INTS3: variants seen among roughly 807,000 people sequenced by gnomAD.
The protein encoded by INTS3 is SOSS complex subunit A.
INTS3 carries 34 observed loss-of-function variants against 146.3 expected under a neutral mutation model. That is an observed-to-expected ratio of 0.23 (90% CI 0.18 to 0.31). The LOEUF is 0.31. Ranked by LOEUF, INTS3 falls within the 10% of genes least tolerant of loss-of-function variation. The pLI, the probability that INTS3 is intolerant of heterozygous loss-of-function variation, is 1.00. For missense variants in INTS3, 757 were observed against 1,304.2 expected (o/e 0.58, Z 6.46); for synonymous variants, 475 against 494.9 (o/e 0.96, Z 0.53).
At position 153,773,515 on chromosome 1, in the gene INTS3, G is replaced by T. The variant is rs1672995510; in HGVS notation, c.*245G>T. The T allele has an allele frequency of 5.1e-6, 3 of 589,070 alleles. No individual in the cohort carries two copies. 36.5% of individuals were successfully genotyped at this position (589,070 alleles called of 1,614,324 possible). On this transcript the variant is annotated 3_prime_UTR_variant, in exon 30 of 30. Coordinates refer to ENST00000318967, the MANE Select transcript of INTS3 (RefSeq NM_023015.5). ...CTGTTCCCAGTGATATTTGGGATCT[G>T]ACTGAAGCCAGAGGCTCTGTAAAAT...
rs1672466024 is a variant in INTS3, at chr1:153,763,488, G to A, written c.1766+126G>A. 3.9e-6 allele frequency: 4 copies of A among 1,023,470 alleles called. No individual in the cohort carries two copies. The South Asian group carries it at 4.3e-5, about 11-fold the overall frequency. The allele number at this position is 1,023,470 out of a possible 1,614,324, so 63.4% of individuals were successfully genotyped here. A position where few individuals can be genotyped will look rare whatever the true frequency, so the allele number is the denominator to read the frequency against. On this transcript the variant is annotated intron_variant, in intron 16 of 29. Transcript: ENST00000318967. ...GATAGGAGTGTGTGGAGAGGTAGCT[G>A]AAGCTTCATGAGGGAGTTCTTCTGC...
intron 20 of INTS3, among the ~76,000 whole-genome samples, chr1:153,765,699 A>G (rs1037430197): frequency 9.2e-5 from 14 of 151,934 alleles, no homozygotes; most frequent in Non-Finnish European, 1.6e-4. Context: ...CCTCCCAAGT[A>G]GCTAGGACTA....
chr1:153,770,878 C>G, intron 25 of INTS3, 145 bp downstream of exon 25: 1 of 699,422 alleles, frequency 1.4e-6, no homozygotes, highest in Admixed American at 2.1e-5. Flanking sequence ...CCCAACGTGA[C>G]TTACAAATGA....
At chr1:153,760,465 G>T in intron 12 of INTS3, 75 bp downstream of exon 12, 9 of 1,266,302 alleles carry the variant, frequency 7.1e-6, no homozygotes, top group Non-Finnish European at 1.0e-5. Flanking sequence ...ATCTCCCAGT[G>T]AACGGGTCTT....
chr1:153,734,081 G>A (rs1302930097), intron 1 of INTS3, among the ~76,000 whole-genome samples: 3 of 151,938 alleles, frequency 2.0e-5, no homozygotes, highest in African/African-American at 7.3e-5. Flanking sequence ...CCATGGTCAG[G>A]TAGTCTTAGT....
intron 6 of INTS3, 74 bp from the exon 7 acceptor site, chr1:153,751,021 G>A: frequency 1.3e-6 from 2 of 1,483,898 alleles, no homozygotes; most frequent in Non-Finnish European, 9.2e-7. Flanking sequence ...CTGTAGCCAA[G>A]CCCAAGAAGC....
rs566542859 is a variant in INTS3, at chr1:153,770,609, G to A, written c.2504-76G>A. ...TCCTTATTCCCTCCAGTGGCTGTTG[G>A]GGGATGAGAGAGGTCCCCAGATTCC... On this transcript the variant is annotated intron_variant, in intron 24 of 29. Coordinates refer to ENST00000318967, the MANE Select transcript of INTS3 (RefSeq NM_023015.5). 14 of 1,230,718 alleles carry A rather than the reference G, an allele frequency of 1.1e-5. No individual in the cohort carries two copies. The Admixed American group carries it at 1.9e-4, about 16-fold the overall frequency. The allele number at this position is 1,230,718 out of a possible 1,614,324, so 76.2% of individuals were successfully genotyped here. A position where few individuals can be genotyped will look rare whatever the true frequency, so the allele number is the denominator to read the frequency against.
In INTS3 at chr1:153,747,271, T is replaced by G. The variant is rs772828617; in HGVS notation, c.433-8T>G. The G allele has an allele frequency of 6.2e-7, 1 of 1,613,288 alleles. No homozygotes were observed. Among genetic ancestry groups the G allele is most frequent in the Non-Finnish European group, 8.5e-7 (1 of 1,179,204 alleles). On this transcript the variant is annotated splice_polypyrimidine_tract_variant and splice_region_variant and intron_variant, in intron 4 of 29. Coordinates refer to ENST00000318967, the MANE Select transcript of INTS3 (RefSeq NM_023015.5). ...TGCTCTTCATCTGTTTTTCCCTCTT[T>G]CCTTTAGTTGGTGTGGTTGGTACGG...
rs543421680 is a variant in INTS3, at chr1:153,728,884, G to C, written c.150+100G>C. ...GACGGGGGGTGGGGGCGGGGGTGGA[G>C]GCTTTCAAGTTTTTTGTGAAGTAAC... On this transcript the variant is annotated intron_variant, in intron 1 of 29. Coordinates refer to ENST00000318967, the MANE Select transcript of INTS3 (RefSeq NM_023015.5). 3 of 516,592 alleles carry C rather than the reference G, an allele frequency of 5.8e-6. No individual in the cohort carries two copies. In the African/African-American group the frequency reaches 6.3e-5, roughly 11 times the overall value. The allele number at this position is 516,592 out of a possible 1,614,324, so 32.0% of individuals were successfully genotyped here.
rs1670943787 is a variant in INTS3, at chr1:153,728,530, A to G, written c.-105A>G. ...CAGGGGCCCTTGCTCTCCCCTCCCC[A>G]ACTTGTTCCTCTTGCCCCCCAGTCC... On this transcript the variant is annotated 5_prime_UTR_variant, in exon 1 of 30. Transcript: ENST00000318967. 5 of 1,402,906 alleles carry G rather than the reference A, an allele frequency of 3.6e-6. No homozygotes were observed. In the South Asian group the frequency reaches 7.1e-5, roughly 20 times the overall value. 86.9% of individuals were successfully genotyped at this position (1,402,906 alleles called of 1,614,324 possible).
intron 9 of INTS3, among the ~76,000 whole-genome samples, chr1:153,755,337 C>T (rs371056116): frequency 1.5e-3 from 229 of 152,262 alleles, no homozygotes; most frequent in Non-Finnish European, 2.0e-3. Flanking sequence ...GATCTCGGCT[C>T]TCCGCAGCCT....
At chr1:153,736,655 C>G (rs565630759) in intron 1 of INTS3, among the ~76,000 whole-genome samples, 1 of 151,698 alleles carries the variant, frequency 6.6e-6, no homozygotes, top group African/African-American at 2.4e-5. Context: ...CCATGTTGGT[C>G]AGGCTGGTCT....
chr1:153,759,487 G>A lies in INTS3; in HGVS notation c.1150-39G>A, dbSNP rs763429346. 28 of 1,352,344 alleles carry A rather than the reference G, an allele frequency of 2.1e-5. No homozygotes were observed. The Admixed American group carries it at 4.4e-4, about 21-fold the overall frequency. 83.8% of individuals were successfully genotyped at this position (1,352,344 alleles called of 1,614,324 possible). ...GACTCTGAAATGGAGGGGGGTGATT[G>A]ATGAAACTAGCCCTCTGTTTCTCCC... On this transcript the variant is annotated intron_variant, in intron 10 of 29. Transcript: ENST00000318967.
At chr1:153,752,112 C>T in intron 7 of INTS3, 167 bp from the exon 8 acceptor site, 1 of 728,760 alleles carries the variant, frequency 1.4e-6, no homozygotes, top group Non-Finnish European at 2.4e-6. Context: ...GCTCTCTTCC[C>T]CTGAACAGCT....
chr1:153,729,622 C>CT (rs1670989561), intron 1 of INTS3, among the ~76,000 whole-genome samples: 1 of 152,174 alleles, frequency 6.6e-6, no homozygotes, highest in Non-Finnish European at 1.5e-5. Flanking sequence ...AATCCCAGCA[C>CT]TTTGAGAGAC....
chr1:153,758,440 G>T (rs1672243342), intron 10 of INTS3, among the ~76,000 whole-genome samples: 1 of 152,218 alleles, frequency 6.6e-6, no homozygotes, highest in African/African-American at 2.4e-5. Context: ...CTCAGCTCAG[G>T]GGTGATGAGT....
chr1:153,745,470 A>C (rs986197891), intron 3 of INTS3, among the ~76,000 whole-genome samples: 1 of 151,086 alleles, frequency 6.6e-6, no homozygotes, highest in African/African-American at 2.4e-5. Flanking sequence ...TTGCTATACT[A>C]TATGATTATT....
rs762756720 is a variant in INTS3 at position 153,757,805 on chromosome 1, A to T, written c.1149+42A>T. 1.3e-6 allele frequency: 2 copies of T among 1,548,486 alleles called. No homozygotes were observed. The highest frequency in any genetic ancestry group is 1.7e-5 in the Admixed American group (1 of 59,648). The stretch of plus-strand genomic sequence containing the variant: ...CTGGGTGGTGAAGGGTGCCTCTTCC[A>T]TGGTGTTCCCATGTTTCCATTCTTC... On this transcript the variant is annotated intron_variant, in intron 10 of 29. Transcript: ENST00000318967. The surrounding 1 kb of genome is among the most constrained non-coding windows in gnomAD (Gnocchi z 4.0).
At chr1:153,748,910 A>G (rs1203327184) in intron 6 of INTS3, among the ~76,000 whole-genome samples, 155 bp downstream of exon 6, 3 of 152,178 alleles carry the variant, frequency 2.0e-5, no homozygotes, top group African/African-American at 4.8e-5. Flanking sequence ...ATTGTTGGCA[A>G]GTGAAGAAAT....
Sources: allele counts gnomAD v4.1 joint callset (sites outside exome capture counted in the v4.1 genomes callset), GRCh38; gene constraint gnomAD v4.1.1; non-coding constraint Gnocchi (gnomAD v3.1); transcripts MANE v1.5; gene names NCBI Gene and HGNC (gene_info 2026-07-23, HGNC 2026-07-21).